The following CCDC82 variants were observed in gnomAD, a reference collection of about 807,000 sequenced individuals.
The protein encoded by CCDC82 is coiled-coil domain-containing protein 82.
CCDC82 carries 47 observed loss-of-function variants against 60.6 expected under a neutral mutation model. That is an observed-to-expected ratio of 0.77 (90% CI 0.61 to 0.99). CCDC82 has a LOEUF of 0.99. CCDC82 is among the 50% of genes least tolerant of loss of function. The pLI is 0.00. For missense variants in CCDC82, 588 were observed against 633.0 expected (o/e 0.93, Z 0.76); for synonymous variants, 212 against 207.4 (o/e 1.02, Z -0.19).
Position 96,384,354 on chromosome 11 carries a change from G to C in CCDC82, c.394C>G (p.Gln132Glu). Residue 132 changes from glutamine to glutamate, a missense_variant, in exon 4 of 10, where the codon CAA (glutamine) becomes GAA (glutamate). Coordinates refer to ENST00000646818, the MANE Select transcript of CCDC82 (RefSeq NM_024725.4). The stretch of plus-strand genomic sequence containing the variant: ...TGTTTGTTGAGATCATTATCCTCTT[G>C]ACTTAAATGTTTTTCCTGATCTTGT... Reference protein sequence around the residue: ...DLQDQEKHLSQEDNDLNKQTG... With the variant: ...DLQDQEKHLSEEDNDLNKQTG... 6.2e-7 allele frequency: 1 copy of C among 1,613,556 alleles called. No individual in the cohort carries two copies. The highest frequency in any genetic ancestry group is 2.2e-5 in the East Asian group (1 of 44,856).
chr11:96,383,892 T>C (rs1866020746), intron 4 of CCDC82, 70 bp downstream of exon 4: 6 of 1,415,718 alleles, frequency 4.2e-6, no homozygotes, highest in South Asian at 1.4e-5. Flanking sequence ...CTCAGCACTT[T>C]TTTATAAAAA....
intron 6 of CCDC82, among the ~76,000 whole-genome samples, chr11:96,372,050 GCCTACT>G (rs1227321226): frequency 6.6e-6 from 1 of 151,970 alleles, no homozygotes; most frequent in Non-Finnish European, 1.5e-5. Context: ...TCTGTCCTCA[GCCTACT>G]CCTCTGAGCT....
At chr11:96,373,280 G>A in intron 6 of CCDC82, 95 bp downstream of exon 6, 2 of 703,496 alleles carry the variant, frequency 2.8e-6, no homozygotes, top group Non-Finnish European at 4.8e-6. Context: ...GATCCTCATT[G>A]GTTTTGTTTA....
intron 7 of CCDC82, among the ~76,000 whole-genome samples, chr11:96,370,396 C>T (rs1424261084): frequency 6.6e-6 from 1 of 152,080 alleles, no homozygotes; most frequent in African/African-American, 2.4e-5. Context: ...CAAAATGTGG[C>T]AAATCTTATA....
chr11:96,359,821 A>C (rs74927975), intron 8 of CCDC82, among the ~76,000 whole-genome samples: 13,494 of 150,060 alleles, frequency 0.09, 803 homozygotes, highest in East Asian at 0.29. Context: ...TTCCCCCCCC[A>C]AAAAAAATGA....
chr11:96,356,912 C>G, intron 9 of CCDC82: 2 of 985,276 alleles, frequency 2.0e-6, no homozygotes, highest in Non-Finnish European at 2.4e-6. Flanking sequence ...AAGCTGGAGG[C>G]AGAAAGACAG....
chr11:96,385,810 G>GA (rs1485667678), intron 3 of CCDC82: 6 of 152,196 alleles, frequency 3.9e-5, no homozygotes, highest in Non-Finnish European at 7.4e-5. Flanking sequence ...AAGATAACTA[G>GA]AAAAAATAAC....
At chr11:96,384,837 T>TA in intron 3 of CCDC82, 76 bp from the exon 4 acceptor site, 1 of 906,404 alleles carries the variant, frequency 1.1e-6, no homozygotes, top group Non-Finnish European at 1.6e-6. Flanking sequence ...GTATAAATTA[T>TA]ATTTATTTGG....
At chr11:96,358,795 G>A (rs1864476074) in intron 9 of CCDC82, among the ~76,000 whole-genome samples, 198 bp downstream of exon 9, 1 of 152,126 alleles carries the variant, frequency 6.6e-6, no homozygotes, top group Non-Finnish European at 1.5e-5. Context: ...TGGGCTGAGT[G>A]AATCCTTAGA....
intron 8 of CCDC82, among the ~76,000 whole-genome samples, chr11:96,362,519 A>G (rs968302626): frequency 9.9e-5 from 15 of 152,206 alleles, no homozygotes; most frequent in African/African-American, 3.6e-4. Flanking sequence ...CATCTTAAGG[A>G]GTCTGGATAG....
intron 5 of CCDC82, chr11:96,380,514 C>T (rs1234115985): frequency 1.3e-5 from 2 of 151,734 alleles, no homozygotes; most frequent in African/African-American, 4.8e-5. Flanking sequence ...AAACTTATGT[C>T]CATAGAAAAA....
At chr11:96,383,546 A>G in intron 4 of CCDC82, 73 bp from the exon 5 acceptor site, 1 of 963,184 alleles carries the variant, frequency 1.0e-6, no homozygotes, top group Non-Finnish European at 1.5e-6. Context: ...AAATTAAAAC[A>G]TTAAATCTGA....
intron 7 of CCDC82, among the ~76,000 whole-genome samples, chr11:96,366,409 C>G (rs1003564042): frequency 3.3e-5 from 5 of 152,122 alleles, no homozygotes; most frequent in African/African-American, 1.2e-4. Context: ...AGTTATTATC[C>G]CAACATCAGA....
chr11:96,384,727 A>G lies in CCDC82; in HGVS notation c.21T>C (p.His7=). ...GACTCTTAGAATTTCTCCTTGTTTC[A>G]TGTCTTCTAACATGTATCATTTTCA... MIHVRR[H]ETRRNSKSHV... is the part of the protein sequence containing the mutation. The change falls in exon 4 of 10, where the codon CAT becomes CAC. Residue 7 remains histidine, a synonymous_variant. Transcript: ENST00000646818. 6.2e-7 allele frequency: 1 copy of G among 1,606,948 alleles called. No homozygotes were observed. Among genetic ancestry groups the G allele is most frequent in the East Asian group, 2.2e-5 (1 of 44,830 alleles).
At chr11:96,370,975 C>A in intron 7 of CCDC82, 38 bp downstream of exon 7, 2 of 1,459,928 alleles carry the variant, frequency 1.4e-6, no homozygotes, top group Non-Finnish European at 1.8e-6. Context: ...TTTGCTGCCC[C>A]CAACCCCCAA....
At chr11:96,369,903 T>G (rs991694046) in intron 7 of CCDC82, among the ~76,000 whole-genome samples, 1 of 152,252 alleles carries the variant, frequency 6.6e-6, no homozygotes, top group Non-Finnish European at 1.5e-5. Context: ...TGCCATGTTC[T>G]AAAAGCTGTG....
rs1591220628 is a variant in CCDC82, at chr11:96,383,858, A to G, written c.786+104T>C. Reference sequence around the variant, plus strand: ...AATACTTGATTAAAAAATAAATTCTAGAATTATTGAGAAATGGAACGGACT... The same window carrying G: ...AATACTTGATTAAAAAATAAATTCTGGAATTATTGAGAAATGGAACGGACT... On this transcript the variant is annotated intron_variant, in intron 4 of 9. Coordinates refer to ENST00000646818, the MANE Select transcript of CCDC82 (RefSeq NM_024725.4). 4 of 1,013,708 alleles carry G rather than the reference A, an allele frequency of 3.9e-6. No individual in the cohort carries two copies. The East Asian group carries it at 1.0e-4, about 27-fold the overall frequency. The allele number at this position is 1,013,708 out of a possible 1,614,324, so 62.8% of individuals were successfully genotyped here.
At chr11:96,360,298 T>A (rs996288169) in intron 8 of CCDC82, among the ~76,000 whole-genome samples, 2 of 150,884 alleles carry the variant, frequency 1.3e-5, no homozygotes, top group Non-Finnish European at 3.0e-5. Context: ...TACATTCCGG[T>A]TTCCCTGCCT....
rs1318058328 is a variant in CCDC82, at chr11:96,386,229, A to T, written c.-15+25T>A. ...TAATTACAAAAATTCAATGCCAAAA[A>T]TTTTTTGAGCAATGGGAATCTTACC... On this transcript the variant is annotated intron_variant, in intron 3 of 9. Transcript: ENST00000646818. 2.0e-5 allele frequency: 3 copies of T among 152,510 alleles called. No individual in the cohort carries two copies. The East Asian group carries it at 5.8e-4, about 29-fold the overall frequency. 9.4% of individuals were successfully genotyped at this position (152,510 alleles called of 1,614,324 possible).
Sources: allele counts gnomAD v4.1 joint callset (sites outside exome capture counted in the v4.1 genomes callset), GRCh38; gene constraint gnomAD v4.1.1; transcripts MANE v1.5; gene names NCBI Gene and HGNC (gene_info 2026-07-23, HGNC 2026-07-21).